NIN: variants seen among roughly 807,000 people sequenced by gnomAD.
NIN encodes the protein ninein.
Under a neutral mutation model 257.6 loss-of-function variants are expected in NIN, and 137 were observed. The ratio of observed to expected loss-of-function variants is 0.53; its 90% confidence interval spans 0.46 to 0.61. The LOEUF is 0.61. Ranked by LOEUF, NIN falls within the 20% of genes least tolerant of loss-of-function variation. The pLI is 0.00. For synonymous variants in NIN, 918 were observed against 919.8 expected (o/e 1.00, Z 0.04); for missense variants, 2,439 against 2,501.2 (o/e 0.98, Z 0.53).
chr14:50,825,371 C>A (rs1438968882), intron 2 of NIN, among the ~76,000 whole-genome samples: 1 of 152,286 alleles, frequency 6.6e-6, no homozygotes, highest in Admixed American at 6.5e-5. Context: ...AGAGCTTCCT[C>A]TATCTTTAAA....
intron 3 of NIN, among the ~76,000 whole-genome samples, chr14:50,820,721 C>A (rs1462234067): frequency 6.6e-6 from 1 of 152,178 alleles, no homozygotes; most frequent in African/African-American, 2.4e-5. Flanking sequence ...CCACAAGAGG[C>A]CAAGAATGGC....
intron 21 of NIN, among the ~76,000 whole-genome samples, chr14:50,749,153 A>C (rs1182217586): frequency 2.6e-5 from 4 of 152,122 alleles, no homozygotes; most frequent in African/African-American, 9.7e-5. Context: ...CAGAAATAAC[A>C]CTACACATCT....
chr14:50,752,749 A>AT lies in NIN; in HGVS notation c.4735-17dup, dbSNP rs1384448990. On this transcript the variant is annotated splice_polypyrimidine_tract_variant and intron_variant, in intron 20 of 30. Coordinates refer to ENST00000530997, the MANE Select transcript of NIN (RefSeq NM_020921.4). The stretch of plus-strand genomic sequence containing the variant: ...ATTCTGAAATCTAATTAAAATTAAA[A>AT]TAAGTTTTTCAAACTTGTTACCCTA... 4 of 1,496,076 alleles carry AT rather than the reference A, an allele frequency of 2.7e-6. No individual in the cohort carries two copies. Among genetic ancestry groups the AT allele is most frequent in the Non-Finnish European group, 3.6e-6 (4 of 1,097,232 alleles). 92.7% of individuals were successfully genotyped at this position (1,496,076 alleles called of 1,614,324 possible).
intron 5 of NIN, among the ~76,000 whole-genome samples, chr14:50,780,145 G>A (rs1488216258): frequency 2.6e-5 from 4 of 152,208 alleles, no homozygotes; most frequent in Admixed American, 2.0e-4. Context: ...CACAGTGGCT[G>A]TGGCTTCCAG....
intron 18 of NIN, among the ~76,000 whole-genome samples, chr14:50,755,578 A>G (rs1258407045): frequency 6.6e-6 from 1 of 151,196 alleles, no homozygotes; most frequent in African/African-American, 2.4e-5. Context: ...CTTTTCAAGC[A>G]TATTTATTAG....
At chr14:50,773,996 T>A (rs1047939752) in intron 7 of NIN, among the ~76,000 whole-genome samples, 1 of 152,232 alleles carries the variant, frequency 6.6e-6, no homozygotes, top group Non-Finnish European at 1.5e-5. Context: ...GGGGTTAAAA[T>A]GTTTCTATAG....
At chr14:50,813,545 A>G (rs1309718333) in intron 3 of NIN, among the ~76,000 whole-genome samples, 3 of 152,262 alleles carry the variant, frequency 2.0e-5, no homozygotes, top group Non-Finnish European at 4.4e-5. Context: ...TTCACATTTC[A>G]TATGAATGCT....
rs375245195 is a variant in NIN, at chr14:50,723,757, G to A, written c.6193-85C>T. On this transcript the variant is annotated intron_variant, in intron 30 of 30. Transcript: ENST00000530997. ...TTTAAGGTCTGACATAAGGACAGTT[G>A]TTTTATAAAGGCAAATCACTTCGTC... 1,345 of 1,133,528 alleles carry A rather than the reference G, an allele frequency of 1.2e-3. 20 individuals carry two copies. The South Asian group carries it at 0.013, about 11-fold the overall frequency. 70.2% of individuals were successfully genotyped at this position (1,133,528 alleles called of 1,614,324 possible). A position where few individuals can be genotyped will look rare whatever the true frequency, so the allele number is the denominator to read the frequency against.
intron 18 of NIN, among the ~76,000 whole-genome samples, chr14:50,755,701 G>A (rs1190508725): frequency 8.5e-6 from 1 of 117,602 alleles, no homozygotes; most frequent in Admixed American, 1.1e-4. Flanking sequence ...GTCTCACTCT[G>A]TCACCCAGTC....
chr14:50,801,167 T>C (rs899849983), intron 4 of NIN, among the ~76,000 whole-genome samples: 3 of 146,214 alleles, frequency 2.1e-5, no homozygotes, highest in African/African-American at 7.6e-5. Flanking sequence ...CTCAGCTCAC[T>C]GCAACCTCTG....
At chr14:50,791,785 CA>C (rs1221786863) in intron 5 of NIN, among the ~76,000 whole-genome samples, 2 of 130,994 alleles carry the variant, frequency 1.5e-5, no homozygotes, top group African/African-American at 5.4e-5. Flanking sequence ...TGTTAGACCA[CA>C]ATGAACACAC....
intron 3 of NIN, among the ~76,000 whole-genome samples, chr14:50,808,215 T>A (rs2044418414): frequency 6.6e-6 from 1 of 152,290 alleles, no homozygotes; most frequent in African/African-American, 2.4e-5. Flanking sequence ...GCTATGTTAA[T>A]TAGGTTTCAC....
At chr14:50,806,197 T>G (rs1266629558) in intron 4 of NIN, 1 of 152,268 alleles carries the variant, frequency 6.6e-6, no homozygotes, top group Non-Finnish European at 1.5e-5. Context: ...AAACATTCAT[T>G]GAATACTTAC....
intron 14 of NIN, among the ~76,000 whole-genome samples, chr14:50,765,479 C>T (rs2042443369): frequency 1.3e-5 from 2 of 152,138 alleles, no homozygotes; most frequent in Non-Finnish European, 2.9e-5. Context: ...CTCATCTCTG[C>T]ACAATTAAAC....
At chr14:50,795,538 C>T (rs2043801102) in intron 4 of NIN, among the ~76,000 whole-genome samples, 3 of 152,204 alleles carry the variant, frequency 2.0e-5, no homozygotes, top group Admixed American at 2.0e-4. Flanking sequence ...TAAAGAATGC[C>T]TTGACCCTTT....
chr14:50,727,532 AC>A, intron 29 of NIN: 1 of 1,243,258 alleles, frequency 8.0e-7, no homozygotes, highest in Non-Finnish European at 1.0e-6. Context: ...GAGACATAAT[AC>A]TGCAAAGGTT....
At chr14:50,731,567 G>T (rs2040703629) in intron 28 of NIN, among the ~76,000 whole-genome samples, 1 of 151,518 alleles carries the variant, frequency 6.6e-6, no homozygotes, top group Admixed American at 6.6e-5. Context: ...CGCGTATGGT[G>T]GCTCACGCCT....
intron 16 of NIN, among the ~76,000 whole-genome samples, chr14:50,761,080 C>A (rs1341720062): frequency 6.6e-6 from 1 of 152,018 alleles, no homozygotes; most frequent in Non-Finnish European, 1.5e-5. Flanking sequence ...CCAGGAGAAA[C>A]CAGTCTAGAC....
In NIN at chr14:50,806,795, T is replaced by C; in HGVS notation, c.207A>G (p.Glu69=). The C allele has an allele frequency of 6.4e-7, 1 of 1,560,042 alleles. No individual in the cohort carries two copies. The highest frequency in any genetic ancestry group is 8.8e-7 in the Non-Finnish European group (1 of 1,135,082). Residue 69 remains glutamate, a synonymous_variant, in exon 4 of 31, where the codon GAA becomes GAG. Coordinates refer to ENST00000530997, the MANE Select transcript of NIN (RefSeq NM_020921.4). ...TTCTGGACAAGATGAGTATTAATGC[T>C]TCTTTAAATTGGTCAAAATGTACCT... The part of the protein sequence containing the change: ...LGRVHFDQFK[E]ALILILSRTL...
Sources: gnomAD v4.1 joint callset for allele counts (sites outside exome capture counted in the v4.1 genomes callset) on GRCh38, gnomAD v4.1.1 for gene constraint, MANE v1.5 for transcripts, NCBI Gene and HGNC (gene_info 2026-07-23, HGNC 2026-07-21) for gene names.